Variants in JADE3 observed in about 807,000 individuals in gnomAD.
JADE3 encodes the protein jade family PHD finger 3, also known as protein Jade-3.
A neutral mutation model predicts 50.1 loss-of-function variants in JADE3; 2 were observed. The ratio of observed to expected loss-of-function variants is 0.04; its 90% CI spans 0.02 to 0.13. The LOEUF (loss-of-function observed/expected upper bound fraction) is 0.13. Ranked by LOEUF, JADE3 falls within the 10% of genes least tolerant of loss-of-function variation. JADE3 has a pLI of 1.00. For synonymous variants in JADE3, 218 were observed against 232.9 expected (o/e 0.94, Z 0.58); for missense variants, 475 against 634.4 (o/e 0.75, Z 2.70).
chrX:46,970,940 T>G (rs1432374671), intron 1 of JADE3, among the ~76,000 whole-genome samples: 1 of 110,793 alleles, frequency 9.0e-6, no homozygotes, highest in Non-Finnish European at 1.9e-5. Flanking sequence ...TGAGTTTCTA[T>G]CTGGAGAAAG....
intron 7 of JADE3, among the ~76,000 whole-genome samples, chrX:47,034,741 A>G: frequency 9.4e-6 from 1 of 106,617 alleles, no homozygotes; most frequent in Non-Finnish European, 1.9e-5. Context: ...CTGGGACTAC[A>G]GGTGCCCGCC....
chrX:47,009,248 G>A (rs1337821460), intron 4 of JADE3, among the ~76,000 whole-genome samples: 1 of 111,158 alleles, frequency 9.0e-6, no homozygotes. Flanking sequence ...CTTGAGCCTA[G>A]GAGGTTGAGG....
intron 10 of JADE3, 64 bp from the exon 11 acceptor site, chrX:47,058,103 G>A: frequency 1.0e-6 from 1 of 965,835 alleles, no homozygotes; most frequent in Non-Finnish European, 1.4e-6. Flanking sequence ...AACTCACTCT[G>A]CCATAAGCAC....
chrX:47,056,791 G>C (rs1257953608), intron 10 of JADE3, among the ~76,000 whole-genome samples: 1 of 111,867 alleles, frequency 8.9e-6, no homozygotes, highest in Non-Finnish European at 1.9e-5. Flanking sequence ...AGCATAGGGA[G>C]CTGGGCTGGA....
chrX:46,938,701 C>T (rs1262499811), intron 1 of JADE3, among the ~76,000 whole-genome samples: 3 of 112,364 alleles, frequency 2.7e-5, no homozygotes, highest in East Asian at 2.8e-4. Context: ...TCTAGCAGTT[C>T]GTTTAGAGTA....
chrX:46,914,177 A>G (rs782012408), intron 1 of JADE3, among the ~76,000 whole-genome samples: 1 of 112,225 alleles, frequency 8.9e-6, no homozygotes, highest in East Asian at 2.8e-4. Flanking sequence ...TCTCCTGTTA[A>G]ATACTTTCCC....
chrX:46,916,757 C>A (rs1926094650), intron 1 of JADE3, among the ~76,000 whole-genome samples: 1 of 111,755 alleles, frequency 8.9e-6, no homozygotes, highest in Admixed American at 9.5e-5. Context: ...GTGAAAGATA[C>A]CCCCTTAACA....
rs61687892 is a variant in JADE3 at position 47,006,459 on chromosome X, GT to G, written c.284+8204del. ...CCACCACGCCAGGCTAATTTTTGTA[GT>G]TTTTTTTTTTTTTTTTTTTTTAGAG... On this transcript the variant is annotated intron_variant, in intron 4 of 10. Transcript: ENST00000614628. Among the ~76,000 whole-genome samples, 603 of 76,651 alleles carry G rather than the reference GT, an allele frequency of 7.9e-3. 6 individuals are homozygous for G. The highest frequency in any genetic ancestry group is 0.012 in the Non-Finnish European group (469 of 38,804). 66.6% of individuals were successfully genotyped at this position (76,651 alleles called of 115,157 possible). A position where few individuals can be genotyped will look rare whatever the true frequency, so the allele number is the denominator to read the frequency against.
chrX:47,010,919 C>G (rs1026130976), intron 4 of JADE3, among the ~76,000 whole-genome samples: 19 of 111,907 alleles, frequency 1.7e-4, no homozygotes, highest in Middle Eastern at 4.6e-3. Context: ...GGTGAGGCCT[C>G]TCTTCCTAGT....
intron 1 of JADE3, among the ~76,000 whole-genome samples, chrX:46,914,016 G>A (rs1007955813): frequency 9.0e-5 from 10 of 111,608 alleles, no homozygotes; most frequent in Admixed American, 2.8e-4. Context: ...GGCCTGGAGG[G>A]AAAGGCGACC....
chrX:47,029,367 A>G (rs1327906443), intron 6 of JADE3, among the ~76,000 whole-genome samples: 1 of 111,605 alleles, frequency 9.0e-6, no homozygotes, highest in Non-Finnish European at 1.9e-5. Flanking sequence ...AAAATATGTC[A>G]GAGGCAACTG....
chrX:47,004,261 G>A (rs1232720125), intron 4 of JADE3, among the ~76,000 whole-genome samples: 1 of 111,348 alleles, frequency 9.0e-6, no homozygotes, highest in East Asian at 2.8e-4. Context: ...TATCAGGGTA[G>A]TACTGGTCTT....
At chrX:46,963,952 A>G (rs1444259206) in intron 1 of JADE3, among the ~76,000 whole-genome samples, 1 of 112,116 alleles carries the variant, frequency 8.9e-6, no homozygotes, top group Non-Finnish European at 1.9e-5. Context: ...TCACACAGAT[A>G]CAAATTACTC....
At chrX:46,979,834 A>G (rs1433571383) in intron 1 of JADE3, among the ~76,000 whole-genome samples, 3 of 107,608 alleles carry the variant, frequency 2.8e-5, no homozygotes, top group East Asian at 5.8e-4. Flanking sequence ...TCACGGGCTT[A>G]AATGCCATTT....
At chrX:46,927,367 G>C (rs1926392239) in intron 1 of JADE3, among the ~76,000 whole-genome samples, 2 of 112,037 alleles carry the variant, frequency 1.8e-5, no homozygotes, top group South Asian at 7.5e-4. Flanking sequence ...ATCTATAAGT[G>C]TGGCGTGTTT....
At chrX:46,985,885 G>A in intron 3 of JADE3, 93 bp downstream of exon 3, 1 of 590,632 alleles carries the variant, frequency 1.7e-6, no homozygotes, top group Non-Finnish European at 2.8e-6. Flanking sequence ...AATGTTGGAG[G>A]TGCAGGCCTA....
At chrX:46,937,842 A>C (rs5905574) in intron 1 of JADE3, among the ~76,000 whole-genome samples, 1 of 109,925 alleles carries the variant, frequency 9.1e-6, no homozygotes, top group East Asian at 2.9e-4. Context: ...GTAGCCGGGC[A>C]TGGTGGTGGG....
chrX:46,954,175 T>C (rs1257344342), intron 1 of JADE3, among the ~76,000 whole-genome samples: 1 of 111,340 alleles, frequency 9.0e-6, no homozygotes, highest in African/African-American at 3.3e-5. Flanking sequence ...TCCAGCATAT[T>C]GGGGCTTTCT....
chrX:46,916,815 A>AG (rs1406511263), intron 1 of JADE3, among the ~76,000 whole-genome samples: 1 of 111,927 alleles, frequency 8.9e-6, no homozygotes, highest in African/African-American at 3.2e-5. Flanking sequence ...CACAGTCAGG[A>AG]GGAAGAGTGC....
Sources: gnomAD v4.1 joint callset for allele counts (sites outside exome capture counted in the v4.1 genomes callset) on GRCh38, gnomAD v4.1.1 for gene constraint, MANE v1.5 for transcripts, NCBI Gene and HGNC (gene_info 2026-07-23, HGNC 2026-07-21) for gene names.